HDAC9: variants seen among roughly 807,000 people sequenced by gnomAD.
HDAC9 encodes the protein histone deacetylase 9.
In HDAC9, 41 loss-of-function variants were observed where a neutral mutation model predicts 139.4. The ratio of observed to expected loss-of-function variants is 0.29; its 90% CI spans 0.23 to 0.38. HDAC9 has a LOEUF of 0.38. Among genes scored for constraint, HDAC9 ranks in the 10% least tolerant of loss-of-function variants. HDAC9 has a pLI of 1.00. For missense variants in HDAC9, 1,147 were observed against 1,297.0 expected, an observed-to-expected ratio of 0.88 and a Z score of 1.78; for synonymous variants, 517 against 476.2, an observed-to-expected ratio of 1.09 and a Z score of -1.12.
intron 17 of HDAC9, among the ~76,000 whole-genome samples, chr7:18,825,163 G>A (rs959949931): frequency 6.6e-6 from 1 of 152,216 alleles, no homozygotes. Flanking sequence ...GGTTCCCAGA[G>A]AAGAGTCCAT....
In HDAC9 at chr7:18,959,303, G is replaced by C. The variant is rs148264804; in HGVS notation, c.3022+5073G>C. Among the ~76,000 whole-genome samples, 1,064 of 152,214 alleles carry C rather than the reference G, an allele frequency of 7.0e-3. 20 individuals carry two copies. Among genetic ancestry groups the C allele is most frequent in the African/African-American group, 0.025 (1,027 of 41,530 alleles). Reference sequence around the variant, plus strand: ...TAATGAATGATATTGATATTAATCTGTGAAACCCCAAAACATGAGAACAAG... The same window carrying C: ...TAATGAATGATATTGATATTAATCTCTGAAACCCCAAAACATGAGAACAAG... On this transcript the variant is annotated intron_variant, in intron 24 of 25. Transcript: ENST00000686413.
intron 2 of HDAC9, among the ~76,000 whole-genome samples, chr7:18,202,940 A>G (rs1791246243): frequency 6.6e-6 from 1 of 152,216 alleles, no homozygotes; most frequent in African/African-American, 2.4e-5. Flanking sequence ...ACTAATTAAG[A>G]TATCTACCTC....
intron 6 of HDAC9, 150 bp from the exon 7 acceptor site, chr7:18,629,200 C>G (rs1319671891): frequency 5.1e-6 from 3 of 593,734 alleles, no homozygotes; most frequent in Non-Finnish European, 8.2e-6. Context: ...AATGTAGAGT[C>G]AATGCCTCAT....
intron 1 of HDAC9, among the ~76,000 whole-genome samples, chr7:18,316,660 G>A (rs1395769542): frequency 3.5e-5 from 5 of 144,048 alleles, no homozygotes; most frequent in East Asian, 2.1e-4. Flanking sequence ...AAATTGGCTG[G>A]GTGTCATGGC....
At chr7:18,728,937 C>G (rs1307934736) in intron 13 of HDAC9, among the ~76,000 whole-genome samples, 8 of 152,120 alleles carry the variant, frequency 5.3e-5, no homozygotes, top group Non-Finnish European at 1.0e-4. Context: ...CTATTTCTTT[C>G]TCCGTACTAG....
chr7:18,195,643 G>C (rs569043946), intron 2 of HDAC9, among the ~76,000 whole-genome samples: 21 of 152,200 alleles, frequency 1.4e-4, no homozygotes, highest in Non-Finnish European at 2.5e-4. Flanking sequence ...TGCTTCAGCC[G>C]GGCCTGCTTC....
intron 24 of HDAC9, among the ~76,000 whole-genome samples, chr7:18,972,161 A>G (rs1784279040): frequency 6.6e-6 from 1 of 152,186 alleles, no homozygotes; most frequent in South Asian, 2.1e-4. Flanking sequence ...TTATTGTAAC[A>G]TCCAAGATTG....
At chr7:18,487,729 A>G (rs997656476) in intron 1 of HDAC9, among the ~76,000 whole-genome samples, 3 of 152,072 alleles carry the variant, frequency 2.0e-5, no homozygotes, top group Non-Finnish European at 4.4e-5. Flanking sequence ...TTGAATTGCA[A>G]CATTAACCAA....
At chr7:18,809,844 T>C (rs565927287) in intron 17 of HDAC9, among the ~76,000 whole-genome samples, 52 of 152,074 alleles carry the variant, frequency 3.4e-4, no homozygotes, top group Admixed American at 1.4e-3. Context: ...AGAACTGCCA[T>C]ATGATCCAGA....
chr7:18,828,076 T>C (rs1056858227), intron 17 of HDAC9, among the ~76,000 whole-genome samples: 6 of 152,152 alleles, frequency 3.9e-5, no homozygotes, highest in African/African-American at 1.2e-4. Context: ...ACAAAATATA[T>C]AGCAAATTAA....
chr7:18,301,481 AG>A (rs1394466725), intron 1 of HDAC9, among the ~76,000 whole-genome samples: 1 of 152,128 alleles, frequency 6.6e-6, no homozygotes, highest in African/African-American at 2.4e-5. Flanking sequence ...GTTTTATTCC[AG>A]AGACTTATTT....
chr7:18,409,859 G>A (rs1417868868), intron 1 of HDAC9, among the ~76,000 whole-genome samples: 5 of 152,166 alleles, frequency 3.3e-5, no homozygotes, highest in East Asian at 1.9e-4. Context: ...ACATTTGCCC[G>A]AAAATCTTAG....
intron 2 of HDAC9, among the ~76,000 whole-genome samples, chr7:18,244,934 C>G (rs1301286278): frequency 6.6e-6 from 1 of 151,532 alleles, no homozygotes; most frequent in East Asian, 1.9e-4. Context: ...TGATATATAT[C>G]TATATCTGTA....
intron 25 of HDAC9, among the ~76,000 whole-genome samples, chr7:18,990,303 G>T (rs1021655768): frequency 6.6e-6 from 1 of 152,070 alleles, no homozygotes; most frequent in East Asian, 1.9e-4. Flanking sequence ...TGGAGTACCT[G>T]GCCATGTGAG....
intron 1 of HDAC9, among the ~76,000 whole-genome samples, chr7:18,122,551 G>T (rs1784421147): frequency 6.6e-6 from 1 of 152,110 alleles, no homozygotes; most frequent in Admixed American, 6.6e-5. Context: ...TTTAGTGGGG[G>T]CAACTTTTAG....
At chr7:18,317,710 C>A (rs1187307928) in intron 1 of HDAC9, among the ~76,000 whole-genome samples, 1 of 152,096 alleles carries the variant, frequency 6.6e-6, no homozygotes, top group African/African-American at 2.4e-5. Flanking sequence ...AAGCCTCTGG[C>A]CACCTGTGGA....
intron 2 of HDAC9, among the ~76,000 whole-genome samples, chr7:18,232,845 T>C (rs926278359): frequency 2.6e-5 from 4 of 152,292 alleles, no homozygotes; most frequent in African/African-American, 9.6e-5. Flanking sequence ...CTTTGCCCAA[T>C]TCCTGAATAA....
chr7:18,544,395 A>G (rs1006311894), intron 2 of HDAC9, among the ~76,000 whole-genome samples: 2 of 152,236 alleles, frequency 1.3e-5, no homozygotes, highest in African/African-American at 4.8e-5. Context: ...AAACATGTTA[A>G]TAGATTCTGG....
intron 16 of HDAC9, among the ~76,000 whole-genome samples, chr7:18,768,509 A>T (rs577453467): frequency 6.6e-6 from 1 of 152,250 alleles, no homozygotes; most frequent in African/African-American, 2.4e-5. Flanking sequence ...TTTTTAGCCA[A>T]CCTCCTGTGG....
Sources: allele counts gnomAD v4.1 joint callset (sites outside exome capture counted in the v4.1 genomes callset), GRCh38; gene constraint gnomAD v4.1.1; transcripts MANE v1.5; gene names NCBI Gene and HGNC (gene_info 2026-07-23, HGNC 2026-07-21).